The following TMEM255A variants were observed in gnomAD, a reference collection of about 807,000 sequenced individuals.
The protein encoded by TMEM255A is family with sequence similarity 70, member A.
A neutral mutation model predicts 23.5 loss-of-function variants in TMEM255A; 14 were observed. The observed-to-expected ratio is 0.60, with a 90% CI of 0.39 to 0.93. TMEM255A has a LOEUF of 0.93. Among genes scored for constraint, TMEM255A ranks in the 40% least tolerant of loss-of-function variants. The pLI is 0.00. For synonymous variants in TMEM255A, 104 were observed against 100.3 expected, an observed-to-expected ratio of 1.04 and a Z score of -0.22; for missense variants, 233 against 261.7, an observed-to-expected ratio of 0.89 and a Z score of 0.76.
chrX:120,252,917 T>G, the TMEM255A span: 1 of 111,623 alleles, frequency 9.0e-6, no homozygotes, highest in African/African-American at 3.3e-5. Flanking sequence ...TCTTAAAGAT[T>G]AGTTAAAATT....
At chrX:120,270,589 T>C (rs1327599083) in intron 7 of TMEM255A, among the ~76,000 whole-genome samples, 1 of 111,675 alleles carries the variant, frequency 9.0e-6, no homozygotes, top group Non-Finnish European at 1.9e-5. Context: ...TTTTTAAAAA[T>C]TCATCTCAAA....
chrX:120,310,890 G>C (rs1556028191), intron 1 of TMEM255A, among the ~76,000 whole-genome samples: 2 of 109,343 alleles, frequency 1.8e-5, no homozygotes, highest in Non-Finnish European at 3.8e-5. Context: ...CAAAGAGGGA[G>C]TGTCGAATGG....
intron 5 of TMEM255A, chrX:120,285,772 A>G (rs1556021729): frequency 1.7e-6 from 2 of 1,195,235 alleles, no homozygotes; most frequent in African/African-American, 3.5e-5. Flanking sequence ...ATATTTTTAC[A>G]GTCACCAAAT....
downstream of TMEM255A, chrX:120,254,855 T>C: frequency 3.3e-6 from 4 of 1,211,790 alleles, no homozygotes; most frequent in Non-Finnish European, 4.5e-6. Context: ...AAGTAAAACA[T>C]GATGATCACT....
chrX:120,296,659 TA>T (rs1216274878), intron 2 of TMEM255A, among the ~76,000 whole-genome samples: 15 of 65,570 alleles, frequency 2.3e-4, no homozygotes, highest in African/African-American at 3.2e-4. Context: ...TAATATATAT[TA>T]TAATATAATA....
intron 2 of TMEM255A, among the ~76,000 whole-genome samples, chrX:120,294,302 CG>C (rs1323204482): frequency 9.3e-6 from 1 of 107,253 alleles, no homozygotes; most frequent in East Asian, 2.9e-4. Context: ...GGCGTAGTGG[CG>C]GGCGCCTGTA....
intron 1 of TMEM255A, among the ~76,000 whole-genome samples, chrX:120,309,424 C>T (rs1556027785): frequency 2.7e-5 from 3 of 113,001 alleles, no homozygotes; most frequent in African/African-American, 9.6e-5. Context: ...GAGCAGTGCG[C>T]CAAGTAGCGA....
intron 4 of TMEM255A, among the ~76,000 whole-genome samples, chrX:120,288,147 C>T (rs1322533974): frequency 2.7e-5 from 3 of 111,996 alleles, no homozygotes; most frequent in Non-Finnish European, 5.6e-5. Context: ...TGTCTCCTTC[C>T]CTTCTGCCCC....
At chrX:120,283,185 T>TCTCC (rs1556021180) in intron 6 of TMEM255A, among the ~76,000 whole-genome samples, 1 of 111,476 alleles carries the variant, frequency 9.0e-6, no homozygotes, top group African/African-American at 3.3e-5. Flanking sequence ...GAAGTACAGT[T>TCTCC]ATAGCCAGCT....
chrX:120,304,280 T>C (rs2058049876), intron 2 of TMEM255A, 69 bp downstream of exon 2: 2 of 1,065,859 alleles, frequency 1.9e-6, no homozygotes, highest in African/African-American at 3.8e-5. Context: ...AATTGAAAAC[T>C]ATCAGAGCAG....
chrX:120,289,070 A>G (rs2057896125), intron 4 of TMEM255A, among the ~76,000 whole-genome samples: 1 of 111,568 alleles, frequency 9.0e-6, no homozygotes, highest in Non-Finnish European at 1.9e-5. Flanking sequence ...GGCCTCAACA[A>G]TAGGACAGCT....
chrX:120,304,212 C>T, intron 2 of TMEM255A, 137 bp downstream of exon 2: 1 of 684,814 alleles, frequency 1.5e-6, no homozygotes, highest in Non-Finnish European at 2.2e-6. Context: ...TGCCTCTCCA[C>T]ATAAATATAC....
At chrX:120,285,913 A>G in intron 5 of TMEM255A, 1 of 1,180,118 alleles carries the variant, frequency 8.5e-7, no homozygotes, top group Non-Finnish European at 1.1e-6. Context: ...GAAATTGTCC[A>G]GCTCTCTCCC....
chrX:120,264,879 C>CTTTT (rs3030544), intron 8 of TMEM255A, among the ~76,000 whole-genome samples: 2 of 93,664 alleles, frequency 2.1e-5, no homozygotes, highest in African/African-American at 8.0e-5. Flanking sequence ...CTTGACTTTC[C>CTTTT]TTTTTTTTTT....
At chrX:120,271,361 C>A (rs2057759865) in intron 7 of TMEM255A, among the ~76,000 whole-genome samples, 1 of 111,609 alleles carries the variant, frequency 9.0e-6, no homozygotes, top group African/African-American at 3.3e-5. Context: ...AGTCACTTGA[C>A]CCCTCTTGGC....
intron 2 of TMEM255A, among the ~76,000 whole-genome samples, chrX:120,296,794 AT>A (rs1556024311): frequency 5.4e-4 from 5 of 9,243 alleles, no homozygotes; most frequent in Admixed American, 1.5e-3. Context: ...CATATATAAT[AT>A]ATATGATATA....
intron 8 of TMEM255A, among the ~76,000 whole-genome samples, chrX:120,266,994 C>T (rs1452968459): frequency 1.8e-5 from 2 of 112,035 alleles, no homozygotes; most frequent in Non-Finnish European, 1.9e-5. Flanking sequence ...GAACGCTAAG[C>T]TTGTGGGAGT....
rs1556023524 is a variant in TMEM255A, at chrX:120,294,043, A to G, written c.210T>C (p.Phe70=). 2 of 1,187,937 alleles carry G rather than the reference A, an allele frequency of 1.7e-6. No homozygotes were observed. Among genetic ancestry groups the G allele is most frequent in the Admixed American group, 4.4e-5 (2 of 45,445 alleles). The change falls in exon 3 of 9, where the codon TTT becomes TTC. Residue 70 remains phenylalanine (F), a synonymous_variant. Transcript: ENST00000371369. ...ATCCAATGATTCCAAGGAACGATCCAAAGCCGAGCTGCAAAGCAATATGGC... is the reference window on the plus strand; with the variant it reads ...ATCCAATGATTCCAAGGAACGATCCGAAGCCGAGCTGCAAAGCAATATGGC... ...GGYYPGVILG[F]GSFLGIIGSN... is the part of the protein sequence containing the mutation.
intron 7 of TMEM255A, among the ~76,000 whole-genome samples, chrX:120,269,438 A>G (rs1350964685): frequency 8.9e-6 from 1 of 112,317 alleles, no homozygotes; most frequent in African/African-American, 3.2e-5. Flanking sequence ...TCCTTTTGGA[A>G]CATAGCTACA....
Sources: allele counts gnomAD v4.1 joint callset (sites outside exome capture counted in the v4.1 genomes callset), GRCh38; gene constraint gnomAD v4.1.1; transcripts MANE v1.5; gene names NCBI Gene and HGNC (gene_info 2026-07-23, HGNC 2026-07-21).